The following CPLX2 variants were observed in gnomAD, a reference collection of about 807,000 sequenced individuals.
CPLX2 encodes the protein complexin-2.
CPLX2 carries 5 observed loss-of-function variants against 16.3 expected under a neutral mutation model. That is an observed-to-expected ratio of 0.31 (90% CI 0.16 to 0.64). CPLX2 has a LOEUF of 0.64. CPLX2 is among the 30% of genes least tolerant of loss of function. CPLX2 has a pLI of 0.79. For synonymous variants in CPLX2, 89 were observed against 73.2 expected (o/e 1.22, Z -1.10); for missense variants, 144 against 181.4 (o/e 0.79, Z 1.18).
intron 2 of CPLX2, among the ~76,000 whole-genome samples, chr5:175,844,524 C>T (rs1759006108): frequency 6.6e-6 from 1 of 152,200 alleles, no homozygotes; most frequent in African/African-American, 2.4e-5. Flanking sequence ...AGATTGTCAG[C>T]TGTGACAAGG....
chr5:175,879,984 G>A lies in CPLX2; in HGVS notation c.344G>A (p.Ser115Asn), dbSNP rs1421802171. 1.9e-6 allele frequency: 3 copies of A among 1,613,876 alleles called. No homozygotes were observed. The highest frequency in any genetic ancestry group is 4.5e-5 in the East Asian group (2 of 44,896). ...GACGAGGAGGAGGAGGAAGAGGAGAGCATCCTGGACACGGTGCTCAAATAC... is the reference window on the plus strand; with the variant it reads ...GACGAGGAGGAGGAGGAAGAGGAGAACATCCTGGACACGGTGCTCAAATAC... ...CGDEEEEEEE[S>N]ILDTVLKYLP... is the part of the protein sequence containing the mutation. Residue 115 changes from serine to asparagine, a missense_variant, in exon 4 of 4, where the codon AGC (serine) becomes AAC (asparagine). Coordinates refer to ENST00000393745, the MANE Select transcript of CPLX2 (RefSeq NM_001008220.2).
chr5:175,866,809 C>T (rs2113696759), upstream of CPLX2, among the ~76,000 whole-genome samples: 1 of 152,318 alleles, frequency 6.6e-6, no homozygotes, highest in Admixed American at 6.5e-5. Context: ...GGTATCATGG[C>T]TCCTGCCTGC....
At chr5:175,804,079 A>AT (rs374697834) in intron 1 of CPLX2, among the ~76,000 whole-genome samples, 27 of 151,854 alleles carry the variant, frequency 1.8e-4, no homozygotes, top group African/African-American at 5.3e-4. Flanking sequence ...TTTTTATGCA[A>AT]TTTTTTTTTA....
chr5:175,871,449 G>A (rs990834129), upstream of CPLX2: 2 of 122,358 alleles, frequency 1.6e-5, no homozygotes, highest in African/African-American at 5.9e-5. Context: ...GAGAGAGAGA[G>A]AGAGAGAGAG....
At chr5:175,826,400 T>C (rs985892830) in intron 2 of CPLX2, among the ~76,000 whole-genome samples, 5 of 152,074 alleles carry the variant, frequency 3.3e-5, no homozygotes, top group African/African-American at 4.8e-5. Flanking sequence ...TTGAATGCTA[T>C]TCCCAGTGCG....
At chr5:175,798,054 G>A (rs560164732) in intron 1 of CPLX2, among the ~76,000 whole-genome samples, 22 of 152,258 alleles carry the variant, frequency 1.4e-4, no homozygotes, top group African/African-American at 4.3e-4. Flanking sequence ...AGCAAAGCTG[G>A]GCCTAAAACC....
chr5:175,800,565 C>T (rs1250112210), intron 1 of CPLX2, among the ~76,000 whole-genome samples: 4 of 152,002 alleles, frequency 2.6e-5, no homozygotes, highest in African/African-American at 9.7e-5. Context: ...ATAGGGCATC[C>T]CAGCTTGTGA....
At chr5:175,823,653 G>A (rs1411311264) in intron 2 of CPLX2, among the ~76,000 whole-genome samples, 1 of 152,194 alleles carries the variant, frequency 6.6e-6, no homozygotes, top group African/African-American at 2.4e-5. Flanking sequence ...GTGGATCAAG[G>A]TTACAGGGGA....
chr5:175,831,012 G>A (rs575587155), intron 2 of CPLX2, among the ~76,000 whole-genome samples: 20 of 152,316 alleles, frequency 1.3e-4, no homozygotes, highest in African/African-American at 3.8e-4. Flanking sequence ...TGGCAGCTGA[G>A]TGTCTCCATA....
intron 2 of CPLX2, among the ~76,000 whole-genome samples, chr5:175,860,538 AAGAT>A (rs1225816784): frequency 0.11 from 3,329 of 29,664 alleles, 97 homozygotes; most frequent in African/African-American, 0.2. Flanking sequence ...GAAAGAAAGA[AAGAT>A]AGATAGAAAG....
intron 2 of CPLX2, among the ~76,000 whole-genome samples, chr5:175,858,621 T>C (rs74619238): frequency 2.0e-5 from 3 of 152,160 alleles, no homozygotes; most frequent in African/African-American, 7.2e-5. Flanking sequence ...AAGCAGGAAA[T>C]GTACACAATA....
At chr5:175,818,837 T>C in intron 2 of CPLX2, among the ~76,000 whole-genome samples, 1 of 151,784 alleles carries the variant, frequency 6.6e-6, no homozygotes, top group Non-Finnish European at 1.5e-5. Context: ...AATTTTGTAT[T>C]TTTAGTAGAG....
Position 175,830,968 on chromosome 5 carries a change from T to G in CPLX2, c.-89+21900T>G, listed in dbSNP as rs923846850. On this transcript the variant is annotated intron_variant, in intron 2 of 4. Transcript: ENST00000359546. This position sits in a 1 kb window ranked among gnomAD's most constrained non-coding sequence, Gnocchi z 4.0. ...GCTCACACAGTTGTGTCAGTGCGATTGTGAGCATGGCTGGGGGTGCGCGTG... is the reference window on the plus strand; with the variant it reads ...GCTCACACAGTTGTGTCAGTGCGATGGTGAGCATGGCTGGGGGTGCGCGTG... Among the ~76,000 whole-genome samples the G allele has an allele frequency of 3.3e-5, 5 of 152,180 alleles. No individual in the cohort carries two copies. Among genetic ancestry groups the G allele is most frequent in the Admixed American group, 6.5e-5 (1 of 15,280 alleles).
intron 2 of CPLX2, among the ~76,000 whole-genome samples, chr5:175,853,593 G>A (rs908552915): frequency 6.6e-6 from 1 of 152,164 alleles, no homozygotes; most frequent in Non-Finnish European, 1.5e-5. Context: ...GGGGACAAGG[G>A]GCAGAGTCTC....
intron 1 of CPLX2, among the ~76,000 whole-genome samples, chr5:175,877,415 C>T (rs772228480): frequency 1.6e-4 from 24 of 152,148 alleles, no homozygotes; most frequent in Non-Finnish European, 3.4e-4. Flanking sequence ...TGAACTCAGC[C>T]AGGCTGCAAT....
At chr5:175,843,641 C>T (rs937790086) in intron 2 of CPLX2, among the ~76,000 whole-genome samples, 6 of 152,212 alleles carry the variant, frequency 3.9e-5, no homozygotes, top group Admixed American at 2.0e-4. Flanking sequence ...AGCCTTGGGT[C>T]GGGGAGGCCA....
At chr5:175,813,936 C>T (rs1758358673) in intron 2 of CPLX2, among the ~76,000 whole-genome samples, 1 of 152,170 alleles carries the variant, frequency 6.6e-6, no homozygotes, top group South Asian at 2.1e-4. Context: ...TGTTTTTAAC[C>T]ATGGCCTTCT....
intron 3 of CPLX2, 137 bp from the exon 4 acceptor site, chr5:175,879,711 T>C: frequency 1.3e-6 from 1 of 793,992 alleles, no homozygotes. Context: ...GACACCCTTA[T>C]CCCCACTTTA....
intron 2 of CPLX2, among the ~76,000 whole-genome samples, chr5:175,810,551 C>G (rs1758295478): frequency 1.3e-5 from 2 of 152,210 alleles, no homozygotes; most frequent in Non-Finnish European, 2.9e-5. Flanking sequence ...CCTGCACACA[C>G]TGGCTGCTCA....
Sources: allele counts gnomAD v4.1 joint callset (sites outside exome capture counted in the v4.1 genomes callset), GRCh38; gene constraint gnomAD v4.1.1; non-coding constraint Gnocchi (gnomAD v3.1); transcripts MANE v1.5; gene names NCBI Gene and HGNC (gene_info 2026-07-23, HGNC 2026-07-21).